Variants in SIPA1L1 observed in about 807,000 individuals in gnomAD.
SIPA1L1 encodes signal-induced proliferation-associated 1-like protein 1.
SIPA1L1 carries 26 observed loss-of-function variants against 162.7 expected under a neutral mutation model. The observed-to-expected ratio is 0.16, with a 90% CI of 0.12 to 0.22. SIPA1L1 has a LOEUF of 0.22. SIPA1L1 is among the 10% of genes least tolerant of loss of function. The probability of loss-of-function intolerance (pLI) is 1.00; values close to 1 mark genes in which losing one functional copy is unlikely to be tolerated. For synonymous variants in SIPA1L1, 829 were observed against 837.4 expected (o/e 0.99, Z 0.17); for missense variants, 1,874 against 2,241.0 (o/e 0.84, Z 3.31).
chr14:71,379,873 C>T (rs145316521), intron 2 of SIPA1L1, among the ~76,000 whole-genome samples: 56 of 152,158 alleles, frequency 3.7e-4, no homozygotes, highest in Non-Finnish European at 6.5e-4. Flanking sequence ...ATTTTAATAC[C>T]GTCTTTTTTT....
chr14:71,450,127 A>G (rs940702687), intron 2 of SIPA1L1, among the ~76,000 whole-genome samples: 13 of 152,188 alleles, frequency 8.5e-5, no homozygotes, highest in African/African-American at 2.7e-4. Flanking sequence ...ATATCTTTAT[A>G]TAATTTTTCT....
chr14:71,598,197 C>T lies in SIPA1L1; in HGVS notation c.1498+8827C>T, dbSNP rs1329437881. On this transcript the variant is annotated intron_variant, in intron 5 of 23. Transcript: ENST00000381232. The stretch of plus-strand genomic sequence containing the variant: ...TACCAAGACCACCAATTGATCCCCA[C>T]AGGCACAAAACGCCATCACAGAGAC... 3 of 985,176 alleles carry T rather than the reference C, an allele frequency of 3.0e-6. No homozygotes were observed. The African/African-American group carries it at 5.2e-5, about 17-fold the overall frequency. The allele number at this position is 985,176 out of a possible 1,614,324, so 61.0% of individuals were successfully genotyped here.
chr14:71,724,593 C>T lies in SIPA1L1; in HGVS notation c.4449-77C>T, dbSNP rs1204994. ...TTCTCTATTGACTTATATTGACTTA[C>T]ATCCTTTAGAGCCCATCATGCCCTT... is the stretch of plus-strand genomic sequence containing the variant. On this transcript the variant is annotated intron_variant, in intron 18 of 23. Transcript: ENST00000381232. The T allele has an allele frequency of 2.9e-3, 3,392 of 1,152,974 alleles. 70 individuals are homozygous for T. In the African/African-American group the frequency reaches 0.045, roughly 15 times the overall value. The allele number at this position is 1,152,974 out of a possible 1,614,324, so 71.4% of individuals were successfully genotyped here.
At position 71,741,160 on chromosome 14, in the gene SIPA1L1, G is replaced by GA. The variant is rs1490280110; in HGVS notation, c.*2003dup. ...TTTGTTAACACTAATGATGATTCTT[G>GA]AAAATTTCTGTCCTTCTCAGAATGT... is the stretch of plus-strand genomic sequence containing the variant. On this transcript the variant is annotated 3_prime_UTR_variant, in exon 24 of 24. Coordinates refer to ENST00000381232, the MANE Select transcript of SIPA1L1 (RefSeq NM_001386936.1). The GA allele has an allele frequency of 6.6e-6, 1 of 152,118 alleles. No homozygotes were observed. Among genetic ancestry groups the GA allele is most frequent in the African/African-American group, 2.4e-5 (1 of 41,420 alleles). The allele number at this position is 152,118 out of a possible 1,614,324, so 9.4% of individuals were successfully genotyped here.
At chr14:71,580,549 T>A (rs1195176869) in intron 4 of SIPA1L1, among the ~76,000 whole-genome samples, 1 of 152,222 alleles carries the variant, frequency 6.6e-6, no homozygotes, top group Non-Finnish European at 1.5e-5. Flanking sequence ...TGTGAAATAA[T>A]TATTCAAATC....
chr14:71,722,343 A>G, intron 17 of SIPA1L1, among the ~76,000 whole-genome samples: 1 of 152,222 alleles, frequency 6.6e-6, no homozygotes, highest in Admixed American at 6.5e-5. Context: ...CCCCAAGTCA[A>G]TATTGATACA....
chr14:71,573,605 GGGCA>G (rs2032487681), intron 4 of SIPA1L1: 1 of 456,576 alleles, frequency 2.2e-6, no homozygotes, highest in Non-Finnish European at 4.4e-6. Context: ...CCCGAGAGCT[GGGCA>G]GAGGAAAATC....
intron 2 of SIPA1L1, among the ~76,000 whole-genome samples, chr14:71,456,390 C>T (rs1254070510): frequency 1.3e-5 from 2 of 152,170 alleles, no homozygotes; most frequent in African/African-American, 4.8e-5. Context: ...ATTAAAAATA[C>T]AACCCTATCA....
chr14:71,578,549 C>T (rs1005868024), intron 4 of SIPA1L1, among the ~76,000 whole-genome samples: 1 of 152,186 alleles, frequency 6.6e-6, no homozygotes, highest in Non-Finnish European at 1.5e-5. Context: ...AGGAGCCTTA[C>T]TGATAACATG....
intron 13 of SIPA1L1, among the ~76,000 whole-genome samples, chr14:71,686,187 G>A (rs957525245): frequency 6.6e-6 from 1 of 152,200 alleles, no homozygotes; most frequent in Non-Finnish European, 1.5e-5. Flanking sequence ...TTAGTCCTGA[G>A]TAAAGTAAGC....
intron 13 of SIPA1L1, among the ~76,000 whole-genome samples, chr14:71,689,773 A>C (rs2081120518): frequency 6.6e-6 from 1 of 152,106 alleles, no homozygotes; most frequent in Non-Finnish European, 1.5e-5. Context: ...CCCTGCACTT[A>C]ACTCTTAAGA....
At chr14:71,459,178 C>T (rs1008192837) in intron 2 of SIPA1L1, among the ~76,000 whole-genome samples, 2 of 152,086 alleles carry the variant, frequency 1.3e-5, no homozygotes, top group Non-Finnish European at 2.9e-5. Context: ...CACAAGATCC[C>T]CATTTTAAAG....
At chr14:71,545,045 A>T (rs2055057421) in intron 4 of SIPA1L1, among the ~76,000 whole-genome samples, 1 of 152,062 alleles carries the variant, frequency 6.6e-6, no homozygotes, top group Non-Finnish European at 1.5e-5. Flanking sequence ...ATTTTTGTAG[A>T]GGTGCTATCT....
chr14:71,482,994 C>T (rs1472522519), intron 2 of SIPA1L1, among the ~76,000 whole-genome samples: 5 of 152,242 alleles, frequency 3.3e-5, no homozygotes, highest in South Asian at 2.1e-4. Flanking sequence ...TTCTTTTTTA[C>T]GAACAATTTC....
chr14:71,594,068 C>T (rs1483790512), intron 5 of SIPA1L1, among the ~76,000 whole-genome samples: 1 of 152,140 alleles, frequency 6.6e-6, no homozygotes, highest in Non-Finnish European at 1.5e-5. Flanking sequence ...CTTCCTTCTC[C>T]TCCTCCTCCA....
At chr14:71,437,652 G>A (rs757160917) in intron 2 of SIPA1L1, among the ~76,000 whole-genome samples, 3 of 152,114 alleles carry the variant, frequency 2.0e-5, no homozygotes, top group Non-Finnish European at 4.4e-5. Context: ...GTAAGACACC[G>A]CGCCTGGCTT....
intron 12 of SIPA1L1, among the ~76,000 whole-genome samples, chr14:71,678,406 TTTTTGTC>T (rs1299749154): frequency 3.5e-4 from 53 of 152,308 alleles, no homozygotes; most frequent in African/African-American, 1.2e-3. Context: ...AATCATGTGG[TTTTTGTC>T]TTTCATTCTG....
intron 2 of SIPA1L1, among the ~76,000 whole-genome samples, chr14:71,379,301 C>CTTTT (rs778659338): frequency 2.1e-5 from 3 of 142,552 alleles, no homozygotes; most frequent in Non-Finnish European, 3.1e-5. Flanking sequence ...TTCTTTCTTT[C>CTTTT]TTTTTTTTTT....
At chr14:71,339,342 T>C (rs2035407150) in intron 2 of SIPA1L1, among the ~76,000 whole-genome samples, 1 of 150,360 alleles carries the variant, frequency 6.7e-6, no homozygotes, top group Non-Finnish European at 1.5e-5. Context: ...TTTATCTAAG[T>C]GTTTTCTTTA....
Sources: gnomAD v4.1 joint callset for allele counts (sites outside exome capture counted in the v4.1 genomes callset) on GRCh38, gnomAD v4.1.1 for gene constraint, MANE v1.5 for transcripts, NCBI Gene and HGNC (gene_info 2026-07-23, HGNC 2026-07-21) for gene names.